ARMCX4: variants seen among roughly 807,000 people sequenced by gnomAD.
The protein encoded by ARMCX4 is armadillo repeat containing X-linked 4.
Under a neutral mutation model 34.7 loss-of-function variants are expected in ARMCX4, and 3 were observed. The ratio of observed to expected loss-of-function variants is 0.09; its 90% CI spans 0.04 to 0.22. ARMCX4 has a LOEUF of 0.22. Among genes scored for constraint, ARMCX4 ranks in the 10% least tolerant of loss-of-function variants. The pLI is 1.00. For missense variants in ARMCX4, 1,448 were observed against 1,720.8 expected (o/e 0.84, Z 2.81); for synonymous variants, 513 against 632.8 (o/e 0.81, Z 2.84).
rs192913682 is a variant in ARMCX4 at position 101,456,870 on chromosome X, T to C, written c.-473+10826T>C. ...TTATTGACTTTTTAAAAGTTTCTCT[T>C]AATTTGTTGGTTCTCTGTGTATTTT... On this transcript the variant is annotated intron_variant and NMD_transcript_variant, in intron 4 of 15. Transcript: ENST00000433011. 2.1e-3 allele frequency among the ~76,000 whole-genome samples: 236 copies of C among 111,218 alleles called. 1 individual carries two copies. The highest frequency in any genetic ancestry group is 7.3e-3 in the African/African-American group (226 of 30,877).
chrX:101,523,665 C>CTGAA (rs1934901862), intron 11 of ARMCX4, among the ~76,000 whole-genome samples: 3 of 111,685 alleles, frequency 2.7e-5, no homozygotes, highest in Admixed American at 1.9e-4. Flanking sequence ...CAACAATCTC[C>CTGAA]AGGGTGTGGG....
At chrX:101,441,599 C>G (rs1439804331) in intron 2 of ARMCX4, among the ~76,000 whole-genome samples, 2 of 110,062 alleles carry the variant, frequency 1.8e-5, no homozygotes, top group Non-Finnish European at 3.8e-5. Flanking sequence ...CATACACACA[C>G]ACACACACAC....
chrX:101,421,991 GTTATTATTATTA>G (rs200537627), intron 2 of ARMCX4, among the ~76,000 whole-genome samples: 16 of 96,390 alleles, frequency 1.7e-4, no homozygotes, highest in South Asian at 4.7e-4. Context: ...TGGGGGATCA[GTTATTATTATTA>G]TTATTATTAT....
At chrX:101,500,990 G>A (rs1046095523) in intron 7 of ARMCX4, among the ~76,000 whole-genome samples, 1 of 112,100 alleles carries the variant, frequency 8.9e-6, no homozygotes, top group Non-Finnish European at 1.9e-5. Context: ...CAGGCGGTTG[G>A]CCACATTAAG....
rs1372292089 is a variant in ARMCX4, at chrX:101,492,134, G to C, written c.3545G>C (p.Arg1182Thr). The change falls in exon 6 of 6, where the codon AGA becomes ACA. Residue 1182 changes from arginine (R) to threonine (T), a missense_variant. Coordinates refer to ENST00000423738, the MANE Select transcript of ARMCX4 (RefSeq NM_001256155.3). ...GTGGTTGGTATTGGGACTTGGGCTA[G>C]AGCTGGGGAGCAGGCCAGTGGAGGG... ...ENVVGIGTWA[R>T]AGEQASGGLW... 52 of 1,150,709 alleles carry C rather than the reference G, an allele frequency of 4.5e-5. No individual in the cohort carries two copies. Among genetic ancestry groups the C allele is most frequent in the Non-Finnish European group, 5.7e-5 (50 of 871,165 alleles). The allele number at this position is 1,150,709 out of a possible 1,213,427, so 94.8% of individuals were successfully genotyped here.
chrX:101,496,956 C>T (rs1203738298), downstream of ARMCX4, among the ~76,000 whole-genome samples: 3 of 111,720 alleles, frequency 2.7e-5, no homozygotes, highest in Non-Finnish European at 5.6e-5. Flanking sequence ...TGTAAACGAC[C>T]CAAGTATCTC....
chrX:101,508,363 G>A (rs1556015639), intron 8 of ARMCX4, among the ~76,000 whole-genome samples: 1 of 111,864 alleles, frequency 8.9e-6, no homozygotes, highest in Non-Finnish European at 1.9e-5. Context: ...AGATCAAGAC[G>A]CAGTCAGCAT....
At chrX:101,474,507 A>G (rs1193849114) in intron 4 of ARMCX4, among the ~76,000 whole-genome samples, 2 of 101,793 alleles carry the variant, frequency 2.0e-5, no homozygotes, top group East Asian at 3.2e-4. Flanking sequence ...ACACAACCAA[A>G]AAAGAGAATT....
At chrX:101,475,671 C>T (rs192628959) in intron 4 of ARMCX4, among the ~76,000 whole-genome samples, 7 of 110,621 alleles carry the variant, frequency 6.3e-5, no homozygotes, top group Non-Finnish European at 1.1e-4. Flanking sequence ...AAAAGATAAA[C>T]CAGGCAAAAA....
At chrX:101,442,659 T>C (rs915911736) in intron 2 of ARMCX4, among the ~76,000 whole-genome samples, 3 of 111,245 alleles carry the variant, frequency 2.7e-5, no homozygotes, top group Non-Finnish European at 5.7e-5. Context: ...AAAGCAGGTC[T>C]GCCTGTTGGG....
chrX:101,510,070 T>C lies in ARMCX4; in HGVS notation c.*1749+392T>C, dbSNP rs186222206. On this transcript the variant is annotated intron_variant and NMD_transcript_variant, in intron 10 of 12. Transcript: ENST00000354842. ...TCAGTTCCCCTTTTCCGAAAACAGATAACTATTGTTATTAGTTTCTTTTTC... is the reference window on the plus strand; with the variant it reads ...TCAGTTCCCCTTTTCCGAAAACAGACAACTATTGTTATTAGTTTCTTTTTC... 4.9e-3 allele frequency among the ~76,000 whole-genome samples: 553 copies of C among 112,174 alleles called. 4 individuals are homozygous for C. Among genetic ancestry groups the C allele is most frequent in the African/African-American group, 0.017 (522 of 30,899 alleles).
chrX:101,429,417 C>T (rs1466319313), intron 2 of ARMCX4, among the ~76,000 whole-genome samples: 1 of 103,659 alleles, frequency 9.6e-6, no homozygotes, highest in African/African-American at 3.6e-5. Flanking sequence ...CTCACTGCAA[C>T]CTTAGTCTCC....
At position 101,461,910 on chromosome X, in the gene ARMCX4, A is replaced by T. The variant is rs782200504; in HGVS notation, c.-473+15866A>T. 6.0e-4 allele frequency among the ~76,000 whole-genome samples: 67 copies of T among 112,485 alleles called. 1 individual carries two copies. Among genetic ancestry groups the T allele is most frequent in the African/African-American group, 2.1e-3 (65 of 31,103 alleles). ...AAAAAAAGGTAAAAGTTATGTGAAA[A>T]GTAGAGAGAATATTTGCAAACTAAT... is the stretch of plus-strand genomic sequence containing the variant. On this transcript the variant is annotated intron_variant and NMD_transcript_variant, in intron 4 of 15. Coordinates refer to the ARMCX4 transcript ENST00000433011.
intron 2 of ARMCX4, among the ~76,000 whole-genome samples, chrX:101,428,103 T>C (rs1466415855): frequency 8.9e-6 from 1 of 112,319 alleles, no homozygotes; most frequent in African/African-American, 3.2e-5. Flanking sequence ...ACCAATTTTA[T>C]TTATAATTGC....
intron 2 of ARMCX4, among the ~76,000 whole-genome samples, chrX:101,420,532 A>G (rs188270236): frequency 8.9e-6 from 1 of 111,783 alleles, no homozygotes; most frequent in African/African-American, 3.2e-5. Context: ...TGCAATGAGG[A>G]CAAGTATCAT....
intron 4 of ARMCX4, among the ~76,000 whole-genome samples, chrX:101,469,163 T>A (rs1932847456): frequency 1.8e-5 from 2 of 112,607 alleles, no homozygotes; most frequent in Non-Finnish European, 3.7e-5. Flanking sequence ...AGGCACAACC[T>A]CACTACTTAA....
chrX:101,437,573 T>C (rs184839863), intron 2 of ARMCX4, among the ~76,000 whole-genome samples: 1 of 111,681 alleles, frequency 9.0e-6, no homozygotes, highest in African/African-American at 3.3e-5. Context: ...TCTATCAATT[T>C]TGTTGATCTT....
At chrX:101,443,976 T>C (rs1555997506) in intron 2 of ARMCX4, 1 of 378,442 alleles carries the variant, frequency 2.6e-6, no homozygotes, top group African/African-American at 2.6e-5. Context: ...GCATGTGAAG[T>C]CACCACCCTG....
At chrX:101,439,055 C>A (rs1384780419) in intron 2 of ARMCX4, among the ~76,000 whole-genome samples, 1 of 112,076 alleles carries the variant, frequency 8.9e-6, no homozygotes, top group Non-Finnish European at 1.9e-5. Flanking sequence ...GATGCAGTTT[C>A]TTCCTAGCCT....
Sources: allele counts gnomAD v4.1 joint callset (sites outside exome capture counted in the v4.1 genomes callset), GRCh38; gene constraint gnomAD v4.1.1; transcripts MANE v1.5; gene names NCBI Gene and HGNC (gene_info 2026-07-23, HGNC 2026-07-21).